Variants in GABRR1 observed in about 807,000 individuals in gnomAD.
GABRR1 encodes the protein gamma-aminobutyric acid receptor subunit rho-1.
A neutral mutation model predicts 55.5 loss-of-function variants in GABRR1; 59 were observed. The ratio of observed to expected loss-of-function variants is 1.06; its 90% confidence interval spans 0.86 to 1.32. The LOEUF (loss-of-function observed/expected upper bound fraction) is 1.32, where lower values mean the gene tolerates loss of function less well. Among genes scored for constraint, GABRR1 ranks in the 40% most tolerant of loss-of-function variants. The pLI, the probability that GABRR1 is intolerant of heterozygous loss-of-function variation, is 0.00. For missense variants in GABRR1, 602 were observed against 619.1 expected (o/e 0.97, Z 0.29); for synonymous variants, 213 against 226.0 (o/e 0.94, Z 0.51).
At chr6:89,194,115 G>C (rs558344987) in intron 5 of GABRR1, among the ~76,000 whole-genome samples, 5 of 152,292 alleles carry the variant, frequency 3.3e-5, no homozygotes, top group African/African-American at 1.2e-4. Context: ...CTGAGACAAA[G>C]GGGAGGCAGG....
intron 8 of GABRR1, among the ~76,000 whole-genome samples, chr6:89,181,347 T>G (rs141452068): frequency 6.6e-5 from 10 of 152,210 alleles, no homozygotes; most frequent in Middle Eastern, 6.8e-3. Context: ...GGGTATAATA[T>G]TTAAGGTGAG....
At chr6:89,197,544 T>G (rs381027) in intron 5 of GABRR1, among the ~76,000 whole-genome samples, 89,666 of 152,132 alleles carry the variant, frequency 0.59, 26,940 homozygotes, top group East Asian at 0.93. Context: ...AAAGTGATGT[T>G]CAGAATGGCA....
intron 1 of GABRR1, among the ~76,000 whole-genome samples, chr6:89,229,733 T>TA (rs1773253511): frequency 1.5e-5 from 1 of 65,678 alleles, no homozygotes; most frequent in East Asian, 3.1e-4. Flanking sequence ...ATCTGACAAT[T>TA]ATGTGTCTTG....
rs1335048057 is a variant in GABRR1 at position 89,203,334 on chromosome 6, C to A, written c.173+101G>T. The A allele has an allele frequency of 4.7e-6, 5 of 1,059,948 alleles. No individual in the cohort carries two copies. The East Asian group carries it at 1.2e-4, about 25-fold the overall frequency. The allele number at this position is 1,059,948 out of a possible 1,614,324, so 65.7% of individuals were successfully genotyped here. A position where few individuals can be genotyped will look rare whatever the true frequency, so the allele number is the denominator to read the frequency against. On this transcript the variant is annotated intron_variant, in intron 2 of 9. Coordinates refer to ENST00000454853, the MANE Select transcript of GABRR1 (RefSeq NM_002042.5). ...GGTCCCCCACCCTCCACTTTCTGATCCTTGGTGAGGGGTCGGGGAGGGGCC... is the reference window on the plus strand; with the variant it reads ...GGTCCCCCACCCTCCACTTTCTGATACTTGGTGAGGGGTCGGGGAGGGGCC...
Position 89,198,054 on chromosome 6 carries a change from C to G in GABRR1, c.538G>C (p.Val180Leu), listed in dbSNP as rs1381968791. The G allele has an allele frequency of 6.2e-7, 1 of 1,614,076 alleles. No homozygotes were observed. The highest frequency in any genetic ancestry group is 8.5e-7 in the Non-Finnish European group (1 of 1,180,018). ...DTTTDNVMLRVQPDGKVLYSL... is the reference protein window; with the variant it reads ...DTTTDNVMLRLQPDGKVLYSL... ...TAGAGCACTTTCCCATCAGGCTGGACCCGCAACATGACGTTGTCTGTGGTG... is the reference window on the plus strand; with the variant it reads ...TAGAGCACTTTCCCATCAGGCTGGAGCCGCAACATGACGTTGTCTGTGGTG... The change falls in exon 5 of 10, where the codon GTC (valine) becomes CTC (leucine). Residue 180 changes from valine (V) to leucine (L), a missense_variant. Coordinates refer to ENST00000454853, the MANE Select transcript of GABRR1 (RefSeq NM_002042.5).
chr6:89,197,160 A>G (rs1772321334), intron 5 of GABRR1, among the ~76,000 whole-genome samples: 1 of 152,212 alleles, frequency 6.6e-6, no homozygotes, highest in Non-Finnish European at 1.5e-5. Flanking sequence ...TCAACATTGC[A>G]ATCTCTGACT....
chr6:89,220,966 T>C (rs1810894), upstream of GABRR1, among the ~76,000 whole-genome samples: 23,674 of 152,066 alleles, frequency 0.16, 2,267 homozygotes, highest in African/African-American at 0.26. Flanking sequence ...GTGATCCGCC[T>C]ACCTCAGCCT....
At position 89,222,401 on chromosome 6, in the gene GABRR1, G is replaced by A. The variant is rs528510573; in HGVS notation, c.-410-955C>T. Reference sequence around the variant, plus strand: ...CTTTGTGGGGCTCCTTTTCCCCTTGGCCCACTGCATATCTGGAGCCAAACA... The same window carrying A: ...CTTTGTGGGGCTCCTTTTCCCCTTGACCCACTGCATATCTGGAGCCAAACA... On this transcript the variant is annotated intron_variant, in intron 1 of 11. Transcript: ENST00000369451. Among the ~76,000 whole-genome samples, 10 of 152,208 alleles carry A rather than the reference G, an allele frequency of 6.6e-5. No individual in the cohort carries two copies. In the South Asian group the frequency reaches 2.1e-3, roughly 32 times the overall value.
chr6:89,183,867 A>G (rs451348), intron 7 of GABRR1, among the ~76,000 whole-genome samples: 106,351 of 151,770 alleles, frequency 0.7, 37,664 homozygotes, highest in Middle Eastern at 0.75. Context: ...TCGGAAGTGG[A>G]GAAGGTGGGA....
At chr6:89,204,356 G>A (rs536302133) in intron 1 of GABRR1, among the ~76,000 whole-genome samples, 1 of 152,392 alleles carries the variant, frequency 6.6e-6, no homozygotes, top group East Asian at 1.9e-4. Context: ...AGACTGGGGA[G>A]TGGCATGCGC....
At chr6:89,199,120 T>C (rs566930673) in intron 4 of GABRR1, among the ~76,000 whole-genome samples, 2 of 152,100 alleles carry the variant, frequency 1.3e-5, no homozygotes, top group Non-Finnish European at 2.9e-5. Flanking sequence ...GTCCAGAAAA[T>C]GCATCCCAGT....
intron 6 of GABRR1, among the ~76,000 whole-genome samples, chr6:89,188,726 T>A (rs190935824): frequency 5.9e-5 from 9 of 152,356 alleles, no homozygotes; most frequent in Admixed American, 2.0e-4. Flanking sequence ...GTTGCCTTTT[T>A]ACTCTGATAA....
Position 89,181,897 on chromosome 6 carries a change from T to C in GABRR1, c.949+8A>G. The C allele has an allele frequency of 1.2e-6, 2 of 1,608,044 alleles. No homozygotes were observed. The highest frequency in any genetic ancestry group is 1.7e-6 in the Non-Finnish European group (2 of 1,177,086). On this transcript the variant is annotated splice_region_variant and intron_variant, in intron 8 of 9. Transcript: ENST00000454853. Reference sequence around the variant, plus strand: ...ATGCTTGGAATATGCACTTGAGGTATTCCTTACCTAAGGGGACTCTGGCAG... The same window carrying C: ...ATGCTTGGAATATGCACTTGAGGTACTCCTTACCTAAGGGGACTCTGGCAG...
chr6:89,215,798 C>T (rs1334477138), intron 1 of GABRR1, among the ~76,000 whole-genome samples: 2 of 152,150 alleles, frequency 1.3e-5, no homozygotes, highest in Non-Finnish European at 2.9e-5. Flanking sequence ...TATATACAAT[C>T]ATAATTTGTC....
At position 89,189,042 on chromosome 6, in the gene GABRR1, C is replaced by CTGTGTGTGTG. The variant is rs71913424; in HGVS notation, c.655+1113_655+1122dup. ...ATGAGCTCTCTGGATGAACTCATGTCTGTGTGTGTGTGTGTGTGTGTGTGT... is the reference window on the plus strand; with the variant it reads ...ATGAGCTCTCTGGATGAACTCATGTCTGTGTGTGTGTGTGTGTGTGTGTGTGTGTGTGTGT... On this transcript the variant is annotated intron_variant, in intron 6 of 9. Coordinates refer to ENST00000454853, the MANE Select transcript of GABRR1 (RefSeq NM_002042.5). Among the ~76,000 whole-genome samples the CTGTGTGTGTG allele has an allele frequency of 4.3e-3, 630 of 147,530 alleles. 6 individuals are homozygous for CTGTGTGTGTG. The highest frequency in any genetic ancestry group is 0.013 in the African/African-American group (503 of 40,206).
intron 1 of GABRR1, among the ~76,000 whole-genome samples, chr6:89,229,211 T>C (rs1330416694): frequency 6.6e-6 from 1 of 151,846 alleles, no homozygotes; most frequent in Non-Finnish European, 1.5e-5. Context: ...CTTGACTCTT[T>C]ATCCAATTTG....
intron 1 of GABRR1, among the ~76,000 whole-genome samples, chr6:89,215,314 G>A (rs1393103348): frequency 6.6e-6 from 1 of 152,152 alleles, no homozygotes; most frequent in Non-Finnish European, 1.5e-5. Flanking sequence ...ATGGATGAAT[G>A]GATAAAGAGA....
chr6:89,213,470 G>A (rs1051328244), intron 1 of GABRR1, among the ~76,000 whole-genome samples: 35 of 152,202 alleles, frequency 2.3e-4, no homozygotes, highest in African/African-American at 7.7e-4. Flanking sequence ...ATGTTCTTGT[G>A]CCATTTGATC....
chr6:89,214,783 C>T (rs569063016), intron 1 of GABRR1, among the ~76,000 whole-genome samples: 58 of 152,140 alleles, frequency 3.8e-4, no homozygotes, highest in African/African-American at 1.3e-3. Context: ...CTGGCACTTT[C>T]GGAGGCCAAG....
Sources: allele counts gnomAD v4.1 joint callset (sites outside exome capture counted in the v4.1 genomes callset), GRCh38; gene constraint gnomAD v4.1.1; transcripts MANE v1.5; gene names NCBI Gene and HGNC (gene_info 2026-07-23, HGNC 2026-07-21).